TPCN2: variants seen among roughly 807,000 people sequenced by gnomAD.
TPCN2 encodes the protein two pore segment channel 2.
A neutral mutation model predicts 111.4 loss-of-function variants in TPCN2; 92 were observed. That is an observed-to-expected ratio of 0.83 (90% CI 0.70 to 0.98). TPCN2 has a LOEUF of 0.98. Ranked by LOEUF, TPCN2 falls within the 50% of genes least tolerant of loss-of-function variation. TPCN2 has a pLI of 0.00. For synonymous variants in TPCN2, 405 were observed against 414.5 expected, an observed-to-expected ratio of 0.98 and a Z score of 0.28; for missense variants, 995 against 980.1, an observed-to-expected ratio of 1.02 and a Z score of -0.20.
rs1856087409 is a variant in TPCN2 at position 69,082,743 on chromosome 11, GTAA to G, written c.1690-1201_1690-1199del. Among the ~76,000 whole-genome samples, 4 of 61,440 alleles carry G rather than the reference GTAA, an allele frequency of 6.5e-5. No homozygotes were observed. In the South Asian group the frequency reaches 2.4e-3, roughly 37 times the overall value. The allele number at this position is 61,440 out of a possible 152,430, so 40.3% of individuals were successfully genotyped here. On this transcript the variant is annotated intron_variant, in intron 18 of 24. Coordinates refer to ENST00000294309, the MANE Select transcript of TPCN2 (RefSeq NM_139075.4). ...GATATCCATGTGAACTCGTGCCCGT[GTAA>G]GACGCATGATCGTGTGTGCACACAT... is the stretch of plus-strand genomic sequence containing the variant.
At chr11:69,063,795 G>T in intron 6 of TPCN2, 100 bp from the exon 7 acceptor site, 1 of 1,144,782 alleles carries the variant, frequency 8.7e-7, no homozygotes, top group Non-Finnish European at 1.3e-6. Flanking sequence ...CCCAGCTGCT[G>T]CAGACTCTTG....
At chr11:69,057,985 C>CTCT (rs1854850076) in intron 5 of TPCN2, among the ~76,000 whole-genome samples, 1 of 152,252 alleles carries the variant, frequency 6.6e-6, no homozygotes, top group Non-Finnish European at 1.5e-5. Flanking sequence ...CGGCTCTCCG[C>CTCT]TCTCTAGCTG....
At chr11:69,081,198 G>A (rs534593454) in intron 17 of TPCN2, among the ~76,000 whole-genome samples, 2 of 152,244 alleles carry the variant, frequency 1.3e-5, no homozygotes, top group South Asian at 4.1e-4. Context: ...GGCTGCAGGT[G>A]GAAGCGGAGC....
chr11:69,087,358 AGCT>A, intron 24 of TPCN2, 152 bp downstream of exon 24: 3 of 661,456 alleles, frequency 4.5e-6, no homozygotes, highest in Non-Finnish European at 7.7e-6. Flanking sequence ...CTAGGAGAGC[AGCT>A]CAGAGCCGGG....
At chr11:69,060,345 G>A (rs994779680) in intron 5 of TPCN2, among the ~76,000 whole-genome samples, 1 of 152,208 alleles carries the variant, frequency 6.6e-6, no homozygotes, top group African/African-American at 2.4e-5. Flanking sequence ...TGCAAACCAG[G>A]CCTGAGGTTT....
chr11:69,055,286 C>T lies in TPCN2; in HGVS notation c.363C>T (p.Pro121=). ...VRYRAAPWEP[P]CGLTESVEVL... ...ACCGCGCTGCTCCCTGGGAGCCGCC[C>T]TGCGGCCTGACCGAGAGTGTCGAGG... The change falls in exon 4 of 25, where the codon CCC becomes CCT. Residue 121 remains proline (P), a synonymous_variant. Coordinates refer to ENST00000294309, the MANE Select transcript of TPCN2 (RefSeq NM_139075.4). 1 of 1,613,988 alleles carries T rather than the reference C, an allele frequency of 6.2e-7. No individual in the cohort carries two copies. Among genetic ancestry groups the T allele is most frequent in the African/African-American group, 1.3e-5 (1 of 75,076 alleles).
intron 19 of TPCN2, 133 bp from the exon 20 acceptor site, chr11:69,085,077 G>T (rs1374342262): frequency 1.1e-5 from 10 of 918,028 alleles, no homozygotes; most frequent in Non-Finnish European, 1.7e-5. Context: ...TAGCAGCCAG[G>T]CTGGAATCCC....
rs1305727549 is a variant in TPCN2 at position 69,064,105 on chromosome 11, T to C, written c.726+138T>C. The C allele has an allele frequency of 6.1e-6, 5 of 815,972 alleles. No homozygotes were observed. In the African/African-American group the frequency reaches 8.4e-5, roughly 14 times the overall value. The allele number at this position is 815,972 out of a possible 1,614,324, so 50.5% of individuals were successfully genotyped here. A position where few individuals can be genotyped will look rare whatever the true frequency, so the allele number is the denominator to read the frequency against. On this transcript the variant is annotated intron_variant, in intron 7 of 24. Transcript: ENST00000294309. ...AGTAATAGCAGTGGCCCATCTGGGG[T>C]CCAGGAGTCTGCCTTTGGGTGGCCA...
rs1856006443 is a variant in TPCN2 at position 69,081,477 on chromosome 11, T to C, written c.1667T>C (p.Leu556Pro). Residue 556 changes from leucine (L) to proline (P), a missense_variant, in exon 18 of 25, where the codon CTG becomes CCG. Leu to Pro is a moderately conservative substitution (Grantham distance 98). Transcript: ENST00000294309. Reference protein sequence around the residue: ...MLNMLIVFRFLRIIPSMKLMA... With the variant: ...MLNMLIVFRFPRIIPSMKLMA... ...AACATGCTCATCGTGTTCCGCTTCC[T>C]GCGTATCATCCCCAGCATGAAGGTG... 6.4e-7 allele frequency: 1 copy of C among 1,571,452 alleles called. No individual in the cohort carries two copies. The highest frequency in any genetic ancestry group is 8.6e-7 in the Non-Finnish European group (1 of 1,157,990).
chr11:69,082,733 TCG>T (rs1338142850), intron 18 of TPCN2, among the ~76,000 whole-genome samples: 891 of 64,190 alleles, frequency 0.014, 153 homozygotes, highest in African/African-American at 0.046. Flanking sequence ...CCATGTGAAC[TCG>T]TGCCCGTGTA....
intron 5 of TPCN2, among the ~76,000 whole-genome samples, chr11:69,058,916 A>C (rs1045079072): frequency 2.6e-5 from 4 of 152,256 alleles, no homozygotes; most frequent in Non-Finnish European, 5.9e-5. Flanking sequence ...TGTAAGCCAC[A>C]CCAAGAATCC....
At chr11:69,053,904 G>C (rs1854622734) in intron 1 of TPCN2, 129 bp from the exon 2 acceptor site, 6 of 757,012 alleles carry the variant, frequency 7.9e-6, no homozygotes, top group Middle Eastern at 4.7e-4. Context: ...CCACTGCCGG[G>C]TGGAGTCATC....
At chr11:69,074,505 C>T (rs1332284957) in intron 13 of TPCN2, among the ~76,000 whole-genome samples, 2 of 152,194 alleles carry the variant, frequency 1.3e-5, no homozygotes, top group Admixed American at 1.3e-4. Flanking sequence ...AGATGGTCCT[C>T]AGATAACAGA....
At chr11:69,080,146 C>A (rs1855944868) in intron 17 of TPCN2, among the ~76,000 whole-genome samples, 1 of 152,230 alleles carries the variant, frequency 6.6e-6, no homozygotes, top group South Asian at 2.1e-4. Flanking sequence ...GAGATGCCCT[C>A]CCGGGCGGCA....
chr11:69,077,306 GCCGTGTCCCT>G (rs1244690407), intron 13 of TPCN2, among the ~76,000 whole-genome samples: 7 of 65,898 alleles, frequency 1.1e-4, no homozygotes, highest in Non-Finnish European at 1.4e-4. Flanking sequence ...TTGCCCTCCT[GCCGTGTCCCT>G]CCACCTGCCC....
At chr11:69,070,147 C>T (rs1365212948) in intron 8 of TPCN2, among the ~76,000 whole-genome samples, 1 of 152,096 alleles carries the variant, frequency 6.6e-6, no homozygotes, top group Non-Finnish European at 1.5e-5. Flanking sequence ...GCCTCAGCCT[C>T]CCGAGTAGCT....
chr11:69,056,005 G>A (rs1854749214), intron 4 of TPCN2, among the ~76,000 whole-genome samples: 1 of 152,270 alleles, frequency 6.6e-6, no homozygotes, highest in African/African-American at 2.4e-5. Flanking sequence ...ACAAGCTGGA[G>A]GTGGGCCTTT....
intron 19 of TPCN2, chr11:69,084,533 C>G (rs2134640956): frequency 1.0e-6 from 1 of 976,964 alleles, no homozygotes; most frequent in Non-Finnish European, 1.2e-6. Flanking sequence ...ATCTGCTCTG[C>G]CTGGTGGCCG....
intron 22 of TPCN2, among the ~76,000 whole-genome samples, 187 bp downstream of exon 22, chr11:69,086,117 G>A (rs536271873): frequency 3.5e-4 from 53 of 152,342 alleles, no homozygotes; most frequent in Non-Finnish European, 6.0e-4. Flanking sequence ...TAGCCACATC[G>A]TGACTCTCAG....
Sources: gnomAD v4.1 joint callset for allele counts (sites outside exome capture counted in the v4.1 genomes callset) on GRCh38, gnomAD v4.1.1 for gene constraint, MANE v1.5 for transcripts, NCBI Gene and HGNC (gene_info 2026-07-23, HGNC 2026-07-21) for gene names.